KALRN: variants seen among roughly 807,000 people sequenced by gnomAD.
The protein encoded by KALRN is kalirin.
A neutral mutation model predicts 353.7 loss-of-function variants in KALRN; 70 were observed. The observed-to-expected ratio is 0.20, with a 90% CI of 0.16 to 0.24. The LOEUF is 0.24. KALRN is among the 10% of genes least tolerant of loss of function. The pLI is 1.00. For missense variants in KALRN, 2,791 were observed against 3,756.7 expected (o/e 0.74, Z 6.72); for synonymous variants, 1,391 against 1,434.8 (o/e 0.97, Z 0.69).
intron 5 of KALRN, among the ~76,000 whole-genome samples, chr3:124,287,596 T>G (rs1248756470): frequency 6.6e-6 from 1 of 151,344 alleles, no homozygotes; most frequent in Non-Finnish European, 1.5e-5. Flanking sequence ...ATCTTGGTTA[T>G]TGACCAATGC....
intron 1 of KALRN, among the ~76,000 whole-genome samples, chr3:124,179,521 A>T (rs185769170): frequency 1.6e-4 from 24 of 152,328 alleles, no homozygotes; most frequent in African/African-American, 5.8e-4. Context: ...AAATATATGA[A>T]CCAGTTTTTT....
intron 33 of KALRN, among the ~76,000 whole-genome samples, chr3:124,544,430 G>A (rs1018462474): frequency 1.3e-5 from 2 of 152,058 alleles, no homozygotes; most frequent in African/African-American, 4.8e-5. Flanking sequence ...GCGTGGTGGT[G>A]GGTGCCTGTA....
At chr3:124,657,072 T>C (rs1325904175) in intron 39 of KALRN, among the ~76,000 whole-genome samples, 1 of 152,218 alleles carries the variant, frequency 6.6e-6, no homozygotes, top group Non-Finnish European at 1.5e-5. Flanking sequence ...AAATTCTCTA[T>C]GATCACATTT....
rs1284131562 is a variant in KALRN, at chr3:124,482,828, T to A, written c.4212T>A (p.Gly1404=). 2 of 1,613,016 alleles carry A rather than the reference T, an allele frequency of 1.2e-6. No individual in the cohort carries two copies. The highest frequency in any genetic ancestry group is 1.7e-6 in the Non-Finnish European group (2 of 1,179,094). Residue 1404 remains glycine, a synonymous_variant, in exon 28 of 60, where the codon GGT becomes GGA. Transcript: ENST00000682506. ...TGCAGGAGATACAACAGCGGCATGG[T>A]CTGGCCAACTCCATCTCTTCCTACC... is the stretch of plus-strand genomic sequence containing the variant. ...TFFDEIQQRH[G]LANSISSYLI... is the part of the protein sequence containing the mutation.
At position 124,699,965 on chromosome 3, in the gene KALRN, G is replaced by C. The variant is rs1046255209; in HGVS notation, c.7928G>C (p.Ser2643Thr). ...GGGTGTCCTTATCAGTTCAGAGTCA[G>C]TGCCAGTAACCCCTGGGGAATCAGC... is the stretch of plus-strand genomic sequence containing the variant. ...SPGCPYQFRV[S>T]ASNPWGISLP... is the part of the protein sequence containing the mutation. Residue 2643 changes from serine to threonine, a missense_variant, in exon 56 of 60, where the codon AGT becomes ACT. Ser to Thr is a moderately conservative substitution (Grantham distance 58, BLOSUM62 1). Around this residue, in one of 11 missense-constraint regions of KALRN, gnomAD observed 1,065 missense variants for 1,156.4 expected, o/e 0.92. Transcript: ENST00000682506. The C allele has an allele frequency of 6.2e-7, 1 of 1,614,038 alleles. No homozygotes were observed. Among genetic ancestry groups the C allele is most frequent in the African/African-American group, 1.3e-5 (1 of 74,904 alleles).
At chr3:124,126,970 A>C (rs1473847262) in intron 1 of KALRN, among the ~76,000 whole-genome samples, 1 of 152,228 alleles carries the variant, frequency 6.6e-6, no homozygotes, top group African/African-American at 2.4e-5. Flanking sequence ...AGTGAAATGA[A>C]AGAAGGTGCT....
At chr3:124,173,031 T>G (rs2072092976) in intron 1 of KALRN, among the ~76,000 whole-genome samples, 1 of 152,028 alleles carries the variant, frequency 6.6e-6, no homozygotes, top group South Asian at 2.1e-4. Context: ...AAATAATAAC[T>G]GGCCTAAGGT....
At chr3:124,475,189 G>T (rs1380744413) in intron 26 of KALRN, among the ~76,000 whole-genome samples, 13 of 152,168 alleles carry the variant, frequency 8.5e-5, no homozygotes, top group Admixed American at 7.9e-4. Flanking sequence ...AATGGGTGGG[G>T]TGTCCATCTC....
chr3:124,540,606 C>G (rs2068933850), intron 33 of KALRN, among the ~76,000 whole-genome samples: 1 of 152,206 alleles, frequency 6.6e-6, no homozygotes, highest in South Asian at 2.1e-4. Context: ...TTTTGTTTTA[C>G]AGATGCAATA....
At chr3:124,180,863 T>C (rs2073474500) in intron 1 of KALRN, among the ~76,000 whole-genome samples, 1 of 152,010 alleles carries the variant, frequency 6.6e-6, no homozygotes, top group African/African-American at 2.4e-5. Context: ...AACACTGTCC[T>C]CACTCTGTAT....
At chr3:124,538,400 AGTT>A (rs1399254574) in intron 33 of KALRN, among the ~76,000 whole-genome samples, 2 of 152,172 alleles carry the variant, frequency 1.3e-5, no homozygotes, top group East Asian at 3.8e-4. Context: ...ACTGGGTGAT[AGTT>A]GTTGGTCAGA....
chr3:124,201,657 C>G (rs550834470), intron 1 of KALRN, among the ~76,000 whole-genome samples: 5 of 152,178 alleles, frequency 3.3e-5, no homozygotes, highest in Non-Finnish European at 5.9e-5. Context: ...TCTCCATCCT[C>G]CTAGAGCTCC....
chr3:124,664,449 C>T (rs1276712871), intron 45 of KALRN, among the ~76,000 whole-genome samples: 6 of 149,728 alleles, frequency 4.0e-5, no homozygotes, highest in South Asian at 2.1e-4. Context: ...CTTGCTCTGT[C>T]GCCCAGGCTG....
At chr3:124,594,817 C>T (rs1016057031) in intron 34 of KALRN, among the ~76,000 whole-genome samples, 3 of 152,140 alleles carry the variant, frequency 2.0e-5, no homozygotes, top group Non-Finnish European at 4.4e-5. Context: ...TGGCTGGAGC[C>T]TCAGGATTTA....
intron 21 of KALRN, among the ~76,000 whole-genome samples, chr3:124,452,174 A>G (rs899534597): frequency 6.6e-6 from 1 of 152,058 alleles, no homozygotes; most frequent in Non-Finnish European, 1.5e-5. Context: ...ATTTCAGAAT[A>G]CTCCCAGTGG....
chr3:124,236,634 A>G (rs1193792719), intron 3 of KALRN, among the ~76,000 whole-genome samples: 2 of 152,198 alleles, frequency 1.3e-5, no homozygotes, highest in South Asian at 2.1e-4. Context: ...TCTTTAGAAT[A>G]AAGAGGGAAA....
rs79418644 is a variant in KALRN at position 124,294,975 on chromosome 3, G to A, written c.970-3816G>A. Among the ~76,000 whole-genome samples, 1,502 of 152,228 alleles carry A rather than the reference G, an allele frequency of 9.9e-3. 10 individuals are homozygous for A. The highest frequency in any genetic ancestry group is 0.016 in the Non-Finnish European group (1,063 of 68,010). ...TCATGTGGAGTTAGTGACAGAGCTG[G>A]GCCTGGAACCAGTGTAGTCTTCATC... On this transcript the variant is annotated intron_variant, in intron 5 of 59. Coordinates refer to ENST00000682506, the MANE Select transcript of KALRN (RefSeq NM_001388419.1).
intron 1 of KALRN, among the ~76,000 whole-genome samples, chr3:124,115,395 CAGGCCAT>C (rs1358856428): frequency 1.3e-5 from 2 of 152,188 alleles, no homozygotes; most frequent in African/African-American, 4.8e-5. Context: ...GGCAGGGCTG[CAGGCCAT>C]GATTGTTTCG....
chr3:124,269,249 T>C lies in KALRN; in HGVS notation c.963T>C (p.Ala321=). The C allele has an allele frequency of 1.3e-6, 2 of 1,594,906 alleles. No homozygotes were observed. Among genetic ancestry groups the C allele is most frequent in the Non-Finnish European group, 1.7e-6 (2 of 1,166,488 alleles). ...CFQLRLFEQD[A]EKMFDWISHN... is the part of the protein sequence containing the mutation. The stretch of plus-strand genomic sequence containing the variant: ...AGCTGCGGCTCTTCGAGCAGGATGC[T>C]GAGAAGGTAGGAAGGGAACAGGCCA... The change falls in exon 5 of 60, where the codon GCT becomes GCC. Residue 321 remains alanine (A), a synonymous_variant. Transcript: ENST00000682506.
Sources: gnomAD v4.1 joint callset for allele counts (sites outside exome capture counted in the v4.1 genomes callset) on GRCh38, gnomAD v4.1.1 for gene constraint, gnomAD v4.1.1 regional missense constraint, MANE v1.5 for transcripts, NCBI Gene and HGNC (gene_info 2026-07-23, HGNC 2026-07-21) for gene names.